FXR1: variants seen among roughly 807,000 people sequenced by gnomAD.
FXR1 encodes the protein RNA-binding protein FXR1.
Under a neutral mutation model 84.0 loss-of-function variants are expected in FXR1, and 15 were observed. The ratio of observed to expected loss-of-function variants is 0.18; its 90% CI spans 0.12 to 0.27. The LOEUF is 0.27. FXR1 is among the 10% of genes least tolerant of loss of function. The pLI, the probability that FXR1 is intolerant of heterozygous loss-of-function variation, is 1.00. For synonymous variants in FXR1, 245 were observed against 250.7 expected (o/e 0.98, Z 0.21); for missense variants, 480 against 774.4 (o/e 0.62, Z 4.51).
chr3:180,928,247 G>A (rs1028784471), intron 1 of FXR1, among the ~76,000 whole-genome samples: 1 of 151,280 alleles, frequency 6.6e-6, no homozygotes, highest in African/African-American at 2.4e-5. Context: ...AACGACTTTA[G>A]GCCTACTTTT....
chr3:180,976,104 G>A lies in FXR1; in HGVS notation c.1696-18G>A. The A allele has an allele frequency of 6.3e-7, 1 of 1,579,380 alleles. No homozygotes were observed. The highest frequency in any genetic ancestry group is 8.6e-7 in the Non-Finnish European group (1 of 1,165,692). On this transcript the variant is annotated intron_variant, in intron 16 of 16. Transcript: ENST00000357559. ...TTTCATTTATAAAGAAGTTGAAAAA[G>A]TTGTCTCCCTTTGGCAGGCAAAAGA...
rs1226493233 is a variant in FXR1 at position 180,978,182 on chromosome 3, A to T, written c.*1890A>T. On this transcript the variant is annotated 3_prime_UTR_variant, in exon 17 of 17. Coordinates refer to ENST00000357559, the MANE Select transcript of FXR1 (RefSeq NM_005087.4). Reference sequence around the variant, plus strand: ...AATGCCAAATTGGTAAATATGGTGTAAAAAAAAAAAAAAAGACTTTTCATT... The same window carrying T: ...AATGCCAAATTGGTAAATATGGTGTTAAAAAAAAAAAAAAGACTTTTCATT... The T allele has an allele frequency of 2.8e-5, 2 of 70,644 alleles. No homozygotes were observed. The highest frequency in any genetic ancestry group is 2.7e-4 in the Admixed American group (2 of 7,464). 4.4% of individuals were successfully genotyped at this position (70,644 alleles called of 1,614,324 possible).
chr3:180,967,844 C>G (rs953567157), intron 13 of FXR1, among the ~76,000 whole-genome samples: 2 of 152,032 alleles, frequency 1.3e-5, no homozygotes, highest in Non-Finnish European at 2.9e-5. Flanking sequence ...TCTGTATTAA[C>G]TAGTAGATAC....
In FXR1 at chr3:180,933,400, G is replaced by A; in HGVS notation, c.104+14G>A. ...TTTTGAAAATAAGTAAGTTATTTTT[G>A]TTGACAAAGGCCTTAATTTTAGAGA... On this transcript the variant is annotated intron_variant, in intron 2 of 16. Coordinates refer to ENST00000357559, the MANE Select transcript of FXR1 (RefSeq NM_005087.4). The A allele has an allele frequency of 6.8e-7, 1 of 1,468,746 alleles. No individual in the cohort carries two copies. The highest frequency in any genetic ancestry group is 9.5e-7 in the Non-Finnish European group (1 of 1,048,412). 91.0% of individuals were successfully genotyped at this position (1,468,746 alleles called of 1,614,324 possible). A position where few individuals can be genotyped will look rare whatever the true frequency, so the allele number is the denominator to read the frequency against.
In FXR1 at chr3:180,970,303, T is replaced by C. The variant is rs1713361610; in HGVS notation, c.1548T>C (p.Val516=). The change falls in exon 15 of 17, where the codon GTT becomes GTC. Residue 516 remains valine (V), a synonymous_variant. Transcript: ENST00000357559. Reference sequence around the variant, plus strand: ...GACGAAGGACTGATGAAGATGCTGTTCTGATGGATGGAATGACTGAATCTG... The same window carrying C: ...GACGAAGGACTGATGAAGATGCTGTCCTGATGGATGGAATGACTGAATCTG... The part of the protein sequence containing the change: ...SRRRRTDEDA[V]LMDGMTESDT... 6.2e-7 allele frequency: 1 copy of C among 1,606,670 alleles called. No individual in the cohort carries two copies. The highest frequency in any genetic ancestry group is 8.5e-7 in the Non-Finnish European group (1 of 1,175,216).
At chr3:180,949,577 G>A (rs899478824) in intron 7 of FXR1, among the ~76,000 whole-genome samples, 2 of 152,208 alleles carry the variant, frequency 1.3e-5, no homozygotes, top group Admixed American at 6.5e-5. Context: ...TAGAGGTGGG[G>A]TTTTGCCATG....
chr3:180,927,675 A>G (rs1183812006), intron 1 of FXR1: 1 of 529,924 alleles, frequency 1.9e-6, no homozygotes. Flanking sequence ...CTAAAAAAAA[A>G]TGAGTAGATC....
intron 6 of FXR1, 123 bp from the exon 7 acceptor site, chr3:180,949,104 G>C: frequency 1.4e-6 from 1 of 732,266 alleles, no homozygotes; most frequent in Non-Finnish European, 2.5e-6. Context: ...AGAGTAGTGA[G>C]TGTTAGGTGA....
At chr3:180,926,855 G>A (rs1230153615) in intron 1 of FXR1, among the ~76,000 whole-genome samples, 2 of 152,022 alleles carry the variant, frequency 1.3e-5, no homozygotes, top group Non-Finnish European at 2.9e-5. Context: ...AGATGAATTA[G>A]TAATCATGGT....
chr3:180,978,291 TAAAAG>T lies in FXR1; in HGVS notation c.*2001_*2005del, dbSNP rs1714416294. The T allele has an allele frequency of 6.6e-6, 1 of 151,902 alleles. No individual in the cohort carries two copies. Among genetic ancestry groups the T allele is most frequent in the African/African-American group, 2.4e-5 (1 of 41,358 alleles). 9.4% of individuals were successfully genotyped at this position (151,902 alleles called of 1,614,324 possible). A position where few individuals can be genotyped will look rare whatever the true frequency, so the allele number is the denominator to read the frequency against. On this transcript the variant is annotated 3_prime_UTR_variant, in exon 17 of 17. Transcript: ENST00000357559. ...AATGGGAATGGAAGAAACAAAATCT[TAAAAG>T]AGTGAGTATAGCTGAACCAATTCTT... is the stretch of plus-strand genomic sequence containing the variant.
chr3:180,948,457 T>C lies in FXR1; in HGVS notation c.381T>C (p.Phe127=). 6.2e-7 allele frequency: 1 copy of C among 1,608,940 alleles called. No individual in the cohort carries two copies. The part of the protein sequence containing the change: ...QNKTVKKNTF[F]KCTVDVPEDL... The stretch of plus-strand genomic sequence containing the variant: ...AAACTGTCAAAAAAAATACCTTCTT[T>C]AAATGCACAGTGGATGTTCCTGAGG... Residue 127 remains phenylalanine (F), a synonymous_variant, in exon 5 of 17, where the codon TTT becomes TTC. Transcript: ENST00000357559.
At chr3:180,961,583 A>G (rs1266191025) in intron 11 of FXR1, 29 bp downstream of exon 11, 1 of 992,860 alleles carries the variant, frequency 1.0e-6, no homozygotes. Context: ...CTATATTCTG[A>G]TATTGTTGCT....
chr3:180,951,726 GTT>G (rs1273334513), intron 8 of FXR1, among the ~76,000 whole-genome samples: 1 of 152,188 alleles, frequency 6.6e-6, no homozygotes, highest in Non-Finnish European at 1.5e-5. Context: ...GTTTACTTCA[GTT>G]TTATACCCGT....
chr3:180,964,673 T>TTTTATATATATATATATA lies in FXR1; in HGVS notation c.1198+1584_1198+1585insTTATATATATATATATAT, dbSNP rs148208441. On this transcript the variant is annotated intron_variant, in intron 13 of 16. Coordinates refer to ENST00000357559, the MANE Select transcript of FXR1 (RefSeq NM_005087.4). ...TATATCAGAGGGACTTGTAGTTGAT[T>TTTTATATATATATATATA]TATATATATATATATATATATATAT... Among the ~76,000 whole-genome samples, 12 of 136,356 alleles carry TTTTATATATATATATATA rather than the reference T, an allele frequency of 8.8e-5. 1 individual carries two copies. The highest frequency in any genetic ancestry group is 3.5e-4 in the African/African-American group (12 of 34,526). 89.5% of individuals were successfully genotyped at this position (136,356 alleles called of 152,430 possible).
At chr3:180,969,587 C>T (rs1291946199) in intron 14 of FXR1, among the ~76,000 whole-genome samples, 1 of 152,126 alleles carries the variant, frequency 6.6e-6, no homozygotes, top group Non-Finnish European at 1.5e-5. Context: ...AGAAGTTCAA[C>T]CTTATTTAAT....
intron 3 of FXR1, among the ~76,000 whole-genome samples, chr3:180,947,617 T>C (rs191568908): frequency 1.0e-3 from 156 of 152,380 alleles, no homozygotes; most frequent in Middle Eastern, 3.4e-3. Context: ...ATAATACTTA[T>C]GTTTAGTAAA....
At chr3:180,956,512 G>T (rs187535719) in intron 9 of FXR1, among the ~76,000 whole-genome samples, 25 of 152,266 alleles carry the variant, frequency 1.6e-4, no homozygotes, top group Non-Finnish European at 2.8e-4. Context: ...CAAAGGTTCT[G>T]GGGGAGGAAT....
intron 1 of FXR1, 131 bp downstream of exon 1, chr3:180,912,867 C>T (rs1717388646): frequency 6.6e-7 from 1 of 1,511,386 alleles, no homozygotes; most frequent in Non-Finnish European, 9.1e-7. Flanking sequence ...CCGCTGGATT[C>T]CTTGCTTCTC....
rs950132733 is a variant in FXR1 at position 180,981,985 on chromosome 3, A to G, written c.*5693A>G. On this transcript the variant is annotated 3_prime_UTR_variant, in exon 17 of 17. Transcript: ENST00000357559. ...AGTAAAGACAAAGGCCCCAAGCTAG[A>G]TCTGTAGAGATAAGTACTAGACTCA... 1 of 152,156 alleles carries G rather than the reference A, an allele frequency of 6.6e-6. No individual in the cohort carries two copies. The highest frequency in any genetic ancestry group is 1.9e-4 in the East Asian group (1 of 5,184). 9.4% of individuals were successfully genotyped at this position (152,156 alleles called of 1,614,324 possible).
Sources: allele counts gnomAD v4.1 joint callset (sites outside exome capture counted in the v4.1 genomes callset), GRCh38; gene constraint gnomAD v4.1.1; transcripts MANE v1.5; gene names NCBI Gene and HGNC (gene_info 2026-07-23, HGNC 2026-07-21).